The following PDE8B variants were observed in gnomAD, a reference collection of about 807,000 sequenced individuals.
PDE8B encodes the protein phosphodiesterase 8B.
Under a neutral mutation model 101.3 loss-of-function variants are expected in PDE8B, and 26 were observed. That is an observed-to-expected ratio of 0.26 (90% CI 0.19 to 0.36). PDE8B has a LOEUF of 0.36. Ranked by LOEUF, PDE8B falls within the 10% of genes least tolerant of loss-of-function variation. The pLI is 1.00. For synonymous variants in PDE8B, 424 were observed against 429.3 expected, an observed-to-expected ratio of 0.99 and a Z score of 0.15; for missense variants, 810 against 1,163.1, an observed-to-expected ratio of 0.70 and a Z score of 4.42.
the PDE8B span, among the ~76,000 whole-genome samples, chr5:77,110,200 A>G: frequency 6.6e-6 from 1 of 151,846 alleles, no homozygotes; most frequent in Admixed American, 6.6e-5. Flanking sequence ...TGCCTCCCCA[A>G]ATTGCTGGGA....
the PDE8B span, among the ~76,000 whole-genome samples, chr5:77,158,689 G>A: frequency 2.8e-3 from 419 of 152,244 alleles, no homozygotes; most frequent in African/African-American, 9.6e-3. Flanking sequence ...ACACATGCAC[G>A]TTCCTAGGTT....
the PDE8B span, chr5:77,106,007 A>T: frequency 6.6e-6 from 1 of 152,168 alleles, no homozygotes; most frequent in Admixed American, 6.5e-5. Context: ...TATCTTGCTT[A>T]TATTTAATTG....
At chr5:77,195,982 A>G in the PDE8B span, among the ~76,000 whole-genome samples, 1 of 152,188 alleles carries the variant, frequency 6.6e-6, no homozygotes, top group African/African-American at 2.4e-5. Flanking sequence ...GTAGTTTTCA[A>G]TTCATTGGAG....
intron 6 of PDE8B, among the ~76,000 whole-genome samples, chr5:77,337,939 G>T (rs1353887064): frequency 6.6e-6 from 1 of 152,204 alleles, no homozygotes; most frequent in Admixed American, 6.5e-5. Flanking sequence ...GCCCTCTTAG[G>T]AATATCAGGG....
the PDE8B span, among the ~76,000 whole-genome samples, chr5:77,090,642 A>C: frequency 6.6e-6 from 1 of 152,190 alleles, no homozygotes; most frequent in Non-Finnish European, 1.5e-5. Context: ...GAGATCATGC[A>C]GTATTTGTCT....
At chr5:77,258,777 G>T (rs1330427949) in intron 1 of PDE8B, among the ~76,000 whole-genome samples, 1 of 151,994 alleles carries the variant, frequency 6.6e-6, no homozygotes, top group Non-Finnish European at 1.5e-5. Context: ...GTGCTCCTAC[G>T]CTTCCTTCAG....
At chr5:77,286,838 CCT>C (rs1166061887) in intron 1 of PDE8B, among the ~76,000 whole-genome samples, 2 of 152,078 alleles carry the variant, frequency 1.3e-5, no homozygotes, top group Admixed American at 6.6e-5. Flanking sequence ...TAGTTAACTC[CCT>C]GTTTATACCC....
rs185025766 is a variant in PDE8B at position 77,284,636 on chromosome 5, C to T, written c.340-27358C>T. On this transcript the variant is annotated intron_variant, in intron 1 of 21. Coordinates refer to ENST00000264917, the MANE Select transcript of PDE8B (RefSeq NM_003719.5). ...TTCAGAAGCCTCTCTTGTCCCCTTT[C>T]TCAATCATAGCTCCCTCCCTTTCTA... Among the ~76,000 whole-genome samples, 574 of 152,310 alleles carry T rather than the reference C, an allele frequency of 3.8e-3. 3 individuals carry two copies. Among genetic ancestry groups the T allele is most frequent in the Non-Finnish European group, 5.4e-3 (368 of 68,010 alleles).
At chr5:77,361,626 C>A (rs747517086) in intron 10 of PDE8B, among the ~76,000 whole-genome samples, 1 of 151,820 alleles carries the variant, frequency 6.6e-6, no homozygotes, top group African/African-American at 2.4e-5. Flanking sequence ...GCCATTCTCC[C>A]GCCTCAGCCT....
the PDE8B span, chr5:77,141,929 G>C: frequency 6.6e-6 from 1 of 152,056 alleles, no homozygotes; most frequent in Non-Finnish European, 1.5e-5. Flanking sequence ...GGAATGGATT[G>C]TTCCCATATA....
intron 10 of PDE8B, among the ~76,000 whole-genome samples, chr5:77,356,166 A>G (rs1189005485): frequency 1.3e-5 from 2 of 152,064 alleles, no homozygotes; most frequent in African/African-American, 4.8e-5. Context: ...TCTCCCCTTC[A>G]TACACTTCTT....
the PDE8B span, among the ~76,000 whole-genome samples, chr5:77,202,731 C>T: frequency 4.0e-5 from 6 of 151,856 alleles, no homozygotes; most frequent in African/African-American, 1.5e-4. Context: ...CTCCCAGGTT[C>T]AAGCGATTCT....
chr5:77,183,583 G>A, the PDE8B span, among the ~76,000 whole-genome samples: 1 of 152,188 alleles, frequency 6.6e-6, no homozygotes, highest in East Asian at 1.9e-4. Context: ...CCTACTACGT[G>A]TCAGATGCTT....
At position 77,239,861 on chromosome 5, in the gene PDE8B, C is replaced by T. The variant is rs561938167; in HGVS notation, c.339+28597C>T. On this transcript the variant is annotated intron_variant, in intron 1 of 21. Transcript: ENST00000264917. ...TCTTCTACTTGGGTGGCTTTTAAAGCATGTTTGTTTATAGCTGCTCCTGGT... is the reference window on the plus strand; with the variant it reads ...TCTTCTACTTGGGTGGCTTTTAAAGTATGTTTGTTTATAGCTGCTCCTGGT... 5.9e-5 allele frequency among the ~76,000 whole-genome samples: 9 copies of T among 152,184 alleles called. No homozygotes were observed. In the South Asian group the frequency reaches 1.9e-3, roughly 32 times the overall value.
At chr5:77,333,741 A>G (rs943638298) in intron 5 of PDE8B, among the ~76,000 whole-genome samples, 4 of 152,220 alleles carry the variant, frequency 2.6e-5, no homozygotes, top group Non-Finnish European at 5.9e-5. Context: ...TGCAAATGCT[A>G]TTGAGAAAAT....
chr5:77,399,603 A>T (rs983109969), intron 10 of PDE8B, among the ~76,000 whole-genome samples: 1 of 152,246 alleles, frequency 6.6e-6, no homozygotes, highest in Non-Finnish European at 1.5e-5. Context: ...CAGGATCCCA[A>T]AGAAAGCACA....
At chr5:77,275,275 T>TA (rs2149803021) in intron 1 of PDE8B, among the ~76,000 whole-genome samples, 1 of 152,304 alleles carries the variant, frequency 6.6e-6, no homozygotes, top group East Asian at 1.9e-4. Flanking sequence ...ACCCTAGAGG[T>TA]AACCACTGTT....
At chr5:77,327,852 G>A (rs576908947) in intron 3 of PDE8B, among the ~76,000 whole-genome samples, 7 of 152,226 alleles carry the variant, frequency 4.6e-5, no homozygotes, top group Admixed American at 2.0e-4. Flanking sequence ...TATGGCAGCC[G>A]ATCATTTCCG....
At chr5:77,425,936 A>ATACTT (rs746096260) in intron 21 of PDE8B, 40 bp downstream of exon 21, 64 of 1,584,594 alleles carry the variant, frequency 4.0e-5, no homozygotes, top group Admixed American at 2.2e-4. Flanking sequence ...GAAAATTGTT[A>ATACTT]TACTTTACGA....
Sources: gnomAD v4.1 joint callset for allele counts (sites outside exome capture counted in the v4.1 genomes callset) on GRCh38, gnomAD v4.1.1 for gene constraint, MANE v1.5 for transcripts, NCBI Gene and HGNC (gene_info 2026-07-23, HGNC 2026-07-21) for gene names.